NUMB: variants seen among roughly 807,000 people sequenced by gnomAD.
The protein encoded by NUMB is NUMB endocytic adaptor protein.
Under a neutral mutation model 59.7 loss-of-function variants are expected in NUMB, and 29 were observed. The observed-to-expected ratio is 0.49, with a 90% CI of 0.36 to 0.66. The LOEUF (loss-of-function observed/expected upper bound fraction) is 0.66. Ranked by LOEUF, NUMB falls within the 30% of genes least tolerant of loss-of-function variation. NUMB has a pLI of 0.00. For missense variants in NUMB, 723 were observed against 822.0 expected (o/e 0.88, Z 1.47); for synonymous variants, 288 against 288.2 (o/e 1.00, Z 0.01).
chr14:73,324,111 T>C (rs1318035863), intron 4 of NUMB, among the ~76,000 whole-genome samples: 1 of 152,176 alleles, frequency 6.6e-6, no homozygotes, highest in Non-Finnish European at 1.5e-5. Flanking sequence ...TGGGGTAGAT[T>C]AACTGTATCA....
At chr14:73,455,482 C>A (rs913753000) in intron 1 of NUMB, among the ~76,000 whole-genome samples, 1 of 152,138 alleles carries the variant, frequency 6.6e-6, no homozygotes, top group Non-Finnish European at 1.5e-5. Context: ...CAACATGTAC[C>A]ACATCCAGTT....
At chr14:73,454,000 G>C (rs925217151) in intron 1 of NUMB, among the ~76,000 whole-genome samples, 1 of 151,880 alleles carries the variant, frequency 6.6e-6, no homozygotes, top group African/African-American at 2.4e-5. Flanking sequence ...AATTTAAGGA[G>C]TATATTGTTT....
intron 2 of NUMB, among the ~76,000 whole-genome samples, chr14:73,394,273 T>C (rs1347331722): frequency 3.9e-5 from 6 of 152,200 alleles, no homozygotes; most frequent in South Asian, 2.1e-4. Context: ...ATTTATGATA[T>C]ACAACGTGAT....
intron 6 of NUMB, among the ~76,000 whole-genome samples, chr14:73,302,098 T>A (rs1566733952): frequency 1.3e-5 from 2 of 151,642 alleles, no homozygotes; most frequent in South Asian, 2.1e-4. Context: ...TAAAAAAAAA[T>A]AAAAAAAATT....
chr14:73,308,109 GTAGTAGGATGC>G (rs1339279839), intron 6 of NUMB, among the ~76,000 whole-genome samples: 8 of 152,132 alleles, frequency 5.3e-5, no homozygotes, highest in South Asian at 4.1e-4. Flanking sequence ...GAAAGCAGGG[GTAGTAGGATGC>G]TAGTAGGATG....
In NUMB at chr14:73,440,225, A is replaced by ATACATCCATATATC. The variant is rs1566798196; in HGVS notation, c.-233+18267_-233+18268insGATATATGGATGTA. ...TATATATATGGATATCCATATATATATATGGATATCCATATATATATACAT... is the reference window on the plus strand; with the variant it reads ...TATATATATGGATATCCATATATATATACATCCATATATCTATGGATATCCATATATATATACAT... On this transcript the variant is annotated intron_variant, in intron 1 of 12. Transcript: ENST00000555238. Among the ~76,000 whole-genome samples, 33 of 149,340 alleles carry ATACATCCATATATC rather than the reference A, an allele frequency of 2.2e-4. 1 individual carries two copies. The highest frequency in any genetic ancestry group is 3.5e-3 in the Middle Eastern group (1 of 286).
At chr14:73,401,270 G>A (rs1566780899) in intron 2 of NUMB, among the ~76,000 whole-genome samples, 1 of 152,120 alleles carries the variant, frequency 6.6e-6, no homozygotes, top group African/African-American at 2.4e-5. Context: ...TACTATTCTG[G>A]TAAGGAATGT....
intron 4 of NUMB, among the ~76,000 whole-genome samples, chr14:73,352,453 C>CAT (rs1893363102): frequency 3.0e-4 from 7 of 23,678 alleles, no homozygotes; most frequent in Non-Finnish European, 4.1e-4. Context: ...CACACACACA[C>CAT]ACACATACAC....
intron 1 of NUMB, among the ~76,000 whole-genome samples, chr14:73,450,832 T>G (rs1883878696): frequency 1.3e-5 from 2 of 150,146 alleles, no homozygotes; most frequent in Non-Finnish European, 3.0e-5. Context: ...AAACTTCTTA[T>G]AACAAAGTCG....
intron 9 of NUMB, chr14:73,285,160 T>C (rs1218324212): frequency 6.6e-6 from 1 of 152,206 alleles, no homozygotes; most frequent in Non-Finnish European, 1.5e-5. Flanking sequence ...AAGCAGTCTT[T>C]AAATCATGCA....
intron 1 of NUMB, among the ~76,000 whole-genome samples, chr14:73,452,063 C>T (rs1027170171): frequency 1.9e-4 from 29 of 151,682 alleles, no homozygotes; most frequent in African/African-American, 6.8e-4. Context: ...GTCTCTACCC[C>T]CCAAAAAAAA....
At chr14:73,422,000 T>G (rs952979199) in intron 1 of NUMB, among the ~76,000 whole-genome samples, 2 of 151,906 alleles carry the variant, frequency 1.3e-5, no homozygotes, top group Non-Finnish European at 2.9e-5. Flanking sequence ...ATTAGCCCGG[T>G]GTAGTGATGG....
chr14:73,276,878 C>T lies in NUMB; in HGVS notation c.1656G>A (p.Gln552=). ...TCTGCTGCCTGACCAGGCTGGGTGACTGATGGGGATGGGCAGCCTGAGGGT... is the reference window on the plus strand; with the variant it reads ...TCTGCTGCCTGACCAGGCTGGGTGATTGATGGGGATGGGCAGCCTGAGGGT... ...AGHPQAAHPH[Q]SPSLVRQQTF... The change falls in exon 13 of 13, where the codon CAG becomes CAA. Residue 552 remains glutamine (Q), a synonymous_variant. Transcript: ENST00000555238. 1 of 1,614,056 alleles carries T rather than the reference C, an allele frequency of 6.2e-7. No individual in the cohort carries two copies. Among genetic ancestry groups the T allele is most frequent in the Non-Finnish European group, 8.5e-7 (1 of 1,179,936 alleles).
intron 2 of NUMB, among the ~76,000 whole-genome samples, chr14:73,393,914 T>C (rs528368141): frequency 1.3e-5 from 2 of 152,314 alleles, no homozygotes; most frequent in East Asian, 1.9e-4. Flanking sequence ...ATCTTAACTG[T>C]TTAAATTTAA....
chr14:73,389,272 C>CAAACAAGAAA (rs1895709466), intron 2 of NUMB, among the ~76,000 whole-genome samples: 1 of 66,484 alleles, frequency 1.5e-5, no homozygotes, highest in African/African-American at 5.8e-5. Context: ...CTCCATCTCT[C>CAAACAAGAAA]AAAAAAAAAA....
chr14:73,312,473 G>T (rs957388015), intron 6 of NUMB, among the ~76,000 whole-genome samples: 1 of 152,060 alleles, frequency 6.6e-6, no homozygotes, highest in Non-Finnish European at 1.5e-5. Context: ...CAGCACTTTG[G>T]CAGGGTGAGG....
chr14:73,379,269 T>C lies in NUMB; in HGVS notation c.-100-12288A>G, dbSNP rs550847952. Among the ~76,000 whole-genome samples the C allele has an allele frequency of 9.8e-5, 15 of 152,350 alleles. No individual in the cohort carries two copies. The South Asian group carries it at 3.1e-3, about 32-fold the overall frequency. On this transcript the variant is annotated intron_variant, in intron 2 of 12. Transcript: ENST00000555238. Reference sequence around the variant, plus strand: ...GGGAAAGCACGTAAGTGTTGCTTTTTAATTTAATTTAAAAATGATTTTTAA... The same window carrying C: ...GGGAAAGCACGTAAGTGTTGCTTTTCAATTTAATTTAAAAATGATTTTTAA...
intron 1 of NUMB, among the ~76,000 whole-genome samples, chr14:73,421,995 C>T (rs975634935): frequency 6.6e-6 from 1 of 151,930 alleles, no homozygotes; most frequent in Non-Finnish European, 1.5e-5. Context: ...AAAAAATTAG[C>T]CCGGTGTAGT....
At chr14:73,341,248 A>C (rs1892616371) in intron 4 of NUMB, among the ~76,000 whole-genome samples, 1 of 152,174 alleles carries the variant, frequency 6.6e-6, no homozygotes, top group Non-Finnish European at 1.5e-5. Flanking sequence ...TAGTATTTTT[A>C]TTTTACGTGG....
Sources: gnomAD v4.1 joint callset for allele counts (sites outside exome capture counted in the v4.1 genomes callset) on GRCh38, gnomAD v4.1.1 for gene constraint, MANE v1.5 for transcripts, NCBI Gene and HGNC (gene_info 2026-07-23, HGNC 2026-07-21) for gene names.